MCF2L2: variants seen among roughly 807,000 people sequenced by gnomAD.
MCF2L2 encodes MCF.2 cell line derived transforming sequence-like 2, also known as probable guanine nucleotide exchange factor MCF2L2.
MCF2L2 carries 102 observed loss-of-function variants against 150.2 expected under a neutral mutation model. The ratio of observed to expected loss-of-function variants is 0.68; its 90% CI spans 0.58 to 0.80. The LOEUF (loss-of-function observed/expected upper bound fraction) is 0.80. MCF2L2 is among the 30% of genes least tolerant of loss of function. The probability of loss-of-function intolerance (pLI) is 0.00; values close to 1 mark genes in which losing one functional copy is unlikely to be tolerated. For synonymous variants in MCF2L2, 465 were observed against 491.3 expected (o/e 0.95, Z 0.71); for missense variants, 1,256 against 1,372.8 (o/e 0.91, Z 1.34).
intron 3 of MCF2L2, chr3:183,372,003 T>C (rs1712914139): frequency 6.8e-6 from 1 of 147,048 alleles, no homozygotes; most frequent in Non-Finnish European, 1.5e-5. Context: ...TTTTTTATCT[T>C]TAGGGAGGTA....
intron 1 of MCF2L2, among the ~76,000 whole-genome samples, chr3:183,407,220 G>A (rs143208201): frequency 6.6e-5 from 10 of 152,188 alleles, no homozygotes; most frequent in Admixed American, 6.5e-4. Context: ...TGATCTATAT[G>A]TCTATCCTTT....
In MCF2L2 at chr3:183,289,157, C is replaced by T. The variant is rs201422972; in HGVS notation, c.1739G>A (p.Arg580Gln). The T allele has an allele frequency of 4.2e-5, 67 of 1,613,846 alleles. No individual in the cohort carries two copies. Among genetic ancestry groups the T allele is most frequent in the Non-Finnish European group, 5.1e-5 (60 of 1,179,914 alleles). Reference sequence around the variant, plus strand: ...TTTAGTCTCATCATCTTCCTTTCCCCGGGAGTTCAACTCTGTCTCCGTATA... The same window carrying T: ...TTTAGTCTCATCATCTTCCTTTCCCTGGGAGTTCAACTCTGTCTCCGTATA... Reference protein sequence around the residue: ...EPYTETELNSRGKEDDETKFE... With the variant: ...EPYTETELNSQGKEDDETKFE... Residue 580 changes from arginine to glutamine, a missense_variant, in exon 14 of 30, where the codon CGG becomes CAG. Coordinates refer to ENST00000328913, the MANE Select transcript of MCF2L2 (RefSeq NM_015078.4).
At chr3:183,263,089 G>A (rs368907140) in intron 15 of MCF2L2, among the ~76,000 whole-genome samples, 1 of 152,110 alleles carries the variant, frequency 6.6e-6, no homozygotes, top group Non-Finnish European at 1.5e-5. Flanking sequence ...GCTGAGGAGT[G>A]AGTGTACTAT....
intron 5 of MCF2L2, among the ~76,000 whole-genome samples, chr3:183,335,550 G>T (rs1730443272): frequency 6.6e-6 from 1 of 152,004 alleles, no homozygotes; most frequent in Non-Finnish European, 1.5e-5. Context: ...CCTTCCTCAT[G>T]GATGGGATTA....
chr3:183,184,903 A>G (rs1277302736), intron 27 of MCF2L2, among the ~76,000 whole-genome samples: 1 of 150,196 alleles, frequency 6.7e-6, no homozygotes, highest in African/African-American at 2.5e-5. Flanking sequence ...TTCTCAATGC[A>G]CAACTTTTTT....
chr3:183,393,149 C>G (rs114686348), intron 1 of MCF2L2, among the ~76,000 whole-genome samples: 3,020 of 150,832 alleles, frequency 0.02, 108 homozygotes, highest in African/African-American at 0.069. Context: ...CTTCCTGCTT[C>G]TTTGCCATTT....
At chr3:183,316,704 G>T (rs1201898181) in intron 7 of MCF2L2, among the ~76,000 whole-genome samples, 1 of 146,652 alleles carries the variant, frequency 6.8e-6, no homozygotes, top group East Asian at 2.1e-4. Context: ...CTCTTTTGTT[G>T]TTGTTGTTTT....
chr3:183,317,634 A>C (rs1364493753), intron 7 of MCF2L2, among the ~76,000 whole-genome samples: 1 of 152,096 alleles, frequency 6.6e-6, no homozygotes, highest in East Asian at 1.9e-4. Context: ...AAAACTTTAC[A>C]ACCACTGCTG....
At chr3:183,251,478 C>CT (rs1347461165) in intron 15 of MCF2L2, among the ~76,000 whole-genome samples, 1 of 152,116 alleles carries the variant, frequency 6.6e-6, no homozygotes, top group Non-Finnish European at 1.5e-5. Context: ...CTTTCTGTGC[C>CT]TTATCTATCC....
At chr3:183,345,324 G>A (rs1730856927) in intron 3 of MCF2L2, among the ~76,000 whole-genome samples, 1 of 152,112 alleles carries the variant, frequency 6.6e-6, no homozygotes, top group Admixed American at 6.6e-5. Context: ...TGACTAGTGG[G>A]TAAATAACGA....
chr3:183,322,867 T>A (rs904065353), intron 6 of MCF2L2, among the ~76,000 whole-genome samples: 2 of 152,160 alleles, frequency 1.3e-5, no homozygotes, highest in African/African-American at 2.4e-5. Context: ...AATATGTATG[T>A]ACGTTAGAAT....
At position 183,389,751 on chromosome 3, in the gene MCF2L2, G is replaced by C. The variant is rs374004584; in HGVS notation, c.105C>G (p.Pro35=). ...GTTCTATTATCTCCACCGCCATCAG[G>C]GGTCTGACTTCCTGCTGCATAATTT... ...VDEIMQQEVR[P]LMAVEIIEQL... Residue 35 remains proline, a synonymous_variant, in exon 2 of 30, where the codon CCC becomes CCG. Transcript: ENST00000328913. 17 of 1,614,096 alleles carry C rather than the reference G, an allele frequency of 1.1e-5. No homozygotes were observed. Among genetic ancestry groups the C allele is most frequent in the Non-Finnish European group, 1.3e-5 (15 of 1,179,978 alleles).
At position 183,408,068 on chromosome 3, in the gene MCF2L2, C is replaced by T. The variant is rs75091531; in HGVS notation, c.77-18289G>A. On this transcript the variant is annotated intron_variant, in intron 1 of 29. Transcript: ENST00000328913. ...ATTTCAAAGTGTCTGTGTTGCTAGA[C>T]GGTAAACATTTGCTCTCCCATCTTC... Among the ~76,000 whole-genome samples the T allele has an allele frequency of 7.7e-3, 1,171 of 152,142 alleles. 10 individuals carry two copies. The highest frequency in any genetic ancestry group is 9.3e-3 in the Non-Finnish European group (632 of 68,014).
In MCF2L2 at chr3:183,281,442, C is replaced by T. The variant is rs557987229; in HGVS notation, c.1777-4485G>A. On this transcript the variant is annotated intron_variant, in intron 14 of 29. Coordinates refer to ENST00000328913, the MANE Select transcript of MCF2L2 (RefSeq NM_015078.4). Reference sequence around the variant, plus strand: ...AGAGAATCTACCCTAGCAGCACATTCACAGATGGTTTGTCTGCCCTATTTG... The same window carrying T: ...AGAGAATCTACCCTAGCAGCACATTTACAGATGGTTTGTCTGCCCTATTTG... Among the ~76,000 whole-genome samples the T allele has an allele frequency of 2.0e-5, 3 of 147,690 alleles. No homozygotes were observed. In the East Asian group the frequency reaches 6.1e-4, roughly 30 times the overall value.
At chr3:183,206,771 T>C (rs528552631) in intron 23 of MCF2L2, among the ~76,000 whole-genome samples, 100 of 152,204 alleles carry the variant, frequency 6.6e-4, no homozygotes, top group African/African-American at 2.3e-3. Flanking sequence ...CCTGGGAGGC[T>C]GAGGCAGAAT....
rs60736939 is a variant in MCF2L2, at chr3:183,238,995, CA to C, written c.1863-7979del. On this transcript the variant is annotated intron_variant, in intron 15 of 29. Coordinates refer to ENST00000328913, the MANE Select transcript of MCF2L2 (RefSeq NM_015078.4). Reference sequence around the variant, plus strand: ...CTGGGCAACAGAGCGATATCCGTCTCAAAAAAAAAAAAAAAAAAAAAAAGAC... The same window carrying C: ...CTGGGCAACAGAGCGATATCCGTCTCAAAAAAAAAAAAAAAAAAAAAAGAC... Among the ~76,000 whole-genome samples, 593 of 88,816 alleles carry C rather than the reference CA, an allele frequency of 6.7e-3. 4 individuals are homozygous for C. Among genetic ancestry groups the C allele is most frequent in the South Asian group, 0.031 (93 of 2,968 alleles). 58.3% of individuals were successfully genotyped at this position (88,816 alleles called of 152,430 possible).
chr3:183,262,716 G>T (rs936180579), intron 15 of MCF2L2, among the ~76,000 whole-genome samples: 6 of 151,724 alleles, frequency 4.0e-5, no homozygotes, highest in Admixed American at 2.6e-4. Context: ...AAGTCTTCAG[G>T]GTGGGGGGGA....
At chr3:183,396,053 T>TC (rs1210044486) in intron 1 of MCF2L2, among the ~76,000 whole-genome samples, 1 of 142,470 alleles carries the variant, frequency 7.0e-6, no homozygotes, top group Non-Finnish European at 1.5e-5. Context: ...TCTCACACCC[T>TC]CCCCCCATGA....
intron 25 of MCF2L2, among the ~76,000 whole-genome samples, chr3:183,201,290 C>G (rs1350527500): frequency 6.6e-6 from 1 of 152,154 alleles, no homozygotes; most frequent in Non-Finnish European, 1.5e-5. Context: ...TTTGTGTCCT[C>G]TTTTATTTTG....
Sources: allele counts gnomAD v4.1 joint callset (sites outside exome capture counted in the v4.1 genomes callset), GRCh38; gene constraint gnomAD v4.1.1; transcripts MANE v1.5; gene names NCBI Gene and HGNC (gene_info 2026-07-23, HGNC 2026-07-21).